The following PUM1 variants were observed in gnomAD, a reference collection of about 807,000 sequenced individuals.
The protein encoded by PUM1 is pumilio RNA binding family member 1.
PUM1 carries 13 observed loss-of-function variants against 131.8 expected under a neutral mutation model. The observed-to-expected ratio is 0.10, with a 90% confidence interval of 0.06 to 0.16. PUM1 has a LOEUF of 0.16. PUM1 is among the 10% of genes least tolerant of loss of function. PUM1 has a pLI of 1.00. For missense variants in PUM1, 961 were observed against 1,512.4 expected (o/e 0.64, Z 6.05); for synonymous variants, 509 against 556.5 (o/e 0.91, Z 1.20).
At chr1:31,021,147 G>A (rs970284689) in intron 3 of PUM1, among the ~76,000 whole-genome samples, 4 of 152,064 alleles carry the variant, frequency 2.6e-5, no homozygotes, top group African/African-American at 7.2e-5. Context: ...TTTATATATC[G>A]GATTCAATTT....
chr1:30,986,018 G>C (rs996702005), intron 7 of PUM1, among the ~76,000 whole-genome samples: 16 of 152,074 alleles, frequency 1.1e-4, no homozygotes, highest in African/African-American at 3.9e-4. Flanking sequence ...GCAGTGGTGC[G>C]ATCTTGGCTC....
At chr1:30,974,457 T>A (rs1315517146) in intron 10 of PUM1, among the ~76,000 whole-genome samples, 194 bp downstream of exon 10, 1 of 152,208 alleles carries the variant, frequency 6.6e-6, no homozygotes, top group Non-Finnish European at 1.5e-5. Context: ...CCCACCTAGG[T>A]ACAATAGTGT....
chr1:31,043,444 T>C (rs1236157682), intron 2 of PUM1, among the ~76,000 whole-genome samples: 2 of 151,992 alleles, frequency 1.3e-5, no homozygotes, highest in Non-Finnish European at 2.9e-5. Flanking sequence ...GGTCTTGAAC[T>C]CCTGACCTCA....
intron 20 of PUM1, among the ~76,000 whole-genome samples, chr1:30,937,375 G>A (rs1446512725): frequency 6.6e-6 from 1 of 152,144 alleles, no homozygotes; most frequent in African/African-American, 2.4e-5. Context: ...GCATGGTGGT[G>A]CATGCCTGTA....
intron 17 of PUM1, 106 bp downstream of exon 17, chr1:30,950,021 T>C (rs1429493619): frequency 7.5e-7 from 1 of 1,340,662 alleles, no homozygotes; most frequent in Non-Finnish European, 1.0e-6. Flanking sequence ...TAAGCAACAA[T>C]GCAAAACCAT....
intron 10 of PUM1, among the ~76,000 whole-genome samples, chr1:30,974,336 T>C (rs1641050573): frequency 1.3e-5 from 2 of 152,334 alleles, no homozygotes; most frequent in South Asian, 4.1e-4. Flanking sequence ...AAGTGGTGCT[T>C]AGCAAGCAAC....
chr1:31,061,299 T>C (rs1288657563), intron 1 of PUM1, among the ~76,000 whole-genome samples: 1 of 152,070 alleles, frequency 6.6e-6, no homozygotes, highest in African/African-American at 2.4e-5. Context: ...ATCTCTATTA[T>C]TTTATTAAAA....
chr1:30,979,968 G>T, intron 9 of PUM1, 94 bp downstream of exon 9: 1 of 826,454 alleles, frequency 1.2e-6, no homozygotes, highest in Middle Eastern at 3.7e-4. Context: ...CTCCACTGGA[G>T]ACATGGATTT....
intron 1 of PUM1, among the ~76,000 whole-genome samples, chr1:31,063,745 T>C (rs1442381112): frequency 1.3e-5 from 2 of 152,192 alleles, no homozygotes; most frequent in Non-Finnish European, 2.9e-5. Context: ...CCTATAAAAA[T>C]GTTCAAACGA....
intron 3 of PUM1, among the ~76,000 whole-genome samples, chr1:31,013,204 G>T (rs1028918549): frequency 6.6e-6 from 1 of 152,122 alleles, no homozygotes; most frequent in African/African-American, 2.4e-5. Context: ...AACACTACAA[G>T]AACCATGATT....
chr1:30,979,137 G>GAGA (rs1553147777), intron 9 of PUM1, among the ~76,000 whole-genome samples: 1 of 125,470 alleles, frequency 8.0e-6, no homozygotes, highest in African/African-American at 2.9e-5. Flanking sequence ...GAAAGAAAGA[G>GAGA]AAAAAAAAAA....
rs1454688662 is a variant in PUM1 at position 31,035,739 on chromosome 1, G to A, written c.364-6875C>T. On this transcript the variant is annotated intron_variant, in intron 2 of 21. Coordinates refer to ENST00000426105, the MANE Select transcript of PUM1 (RefSeq NM_001020658.2). ...GCACTCCTGCCTGGGCAACGAGAGT[G>A]AAACTCCATCTCAAATAAAAAAAAA... is the stretch of plus-strand genomic sequence containing the variant. Among the ~76,000 whole-genome samples, 3 of 151,424 alleles carry A rather than the reference G, an allele frequency of 2.0e-5. No homozygotes were observed. In the East Asian group the frequency reaches 5.8e-4, roughly 29 times the overall value.
At chr1:31,009,800 CA>C (rs1328704693) in intron 3 of PUM1, among the ~76,000 whole-genome samples, 1 of 132,698 alleles carries the variant, frequency 7.5e-6, no homozygotes, top group African/African-American at 2.8e-5. Context: ...AAAACAGAAA[CA>C]AAAAAAAACA....
chr1:30,952,418 C>T (rs887235018), intron 15 of PUM1, 55 bp from the exon 16 acceptor site: 2 of 1,610,722 alleles, frequency 1.2e-6, no homozygotes, highest in East Asian at 2.2e-5. Flanking sequence ...CCTGGAGATA[C>T]ATCAGTGTAC....
chr1:31,042,896 CT>C (rs952602550), intron 2 of PUM1, among the ~76,000 whole-genome samples: 1 of 151,630 alleles, frequency 6.6e-6, no homozygotes, highest in Non-Finnish European at 1.5e-5. Flanking sequence ...GATGATTTTT[CT>C]TTTTTTTTCT....
At chr1:31,050,723 G>C (rs967522333) in intron 2 of PUM1, 1 of 154,042 alleles carries the variant, frequency 6.5e-6, no homozygotes, top group African/African-American at 2.4e-5. Flanking sequence ...AGGTACAACA[G>C]AAAGACATTT....
chr1:30,937,098 T>C (rs1440427654), intron 20 of PUM1, among the ~76,000 whole-genome samples: 4 of 151,874 alleles, frequency 2.6e-5, no homozygotes, highest in Admixed American at 1.3e-4. Context: ...TAGAGGGTGA[T>C]CAAATTATAC....
At chr1:31,003,852 C>T (rs553975971) in intron 5 of PUM1, among the ~76,000 whole-genome samples, 2 of 152,290 alleles carry the variant, frequency 1.3e-5, no homozygotes, top group Admixed American at 1.3e-4. Context: ...GTCACTAGAT[C>T]AGTCCTCTTG....
intron 21 of PUM1, among the ~76,000 whole-genome samples, chr1:30,935,259 C>T (rs57864908): frequency 0.18 from 27,963 of 152,116 alleles, 2,692 homozygotes; most frequent in East Asian, 0.24. Flanking sequence ...TGGTCTCTGG[C>T]GTCCAAGTCT....
Sources: allele counts gnomAD v4.1 joint callset (sites outside exome capture counted in the v4.1 genomes callset), GRCh38; gene constraint gnomAD v4.1.1; transcripts MANE v1.5; gene names NCBI Gene and HGNC (gene_info 2026-07-23, HGNC 2026-07-21).